Variants in USP54 observed in about 807,000 individuals in gnomAD.
USP54 encodes ubiquitin specific peptidase 54.
In USP54, 87 loss-of-function variants were observed where a neutral mutation model predicts 170.5. The ratio of observed to expected loss-of-function variants is 0.51; its 90% CI spans 0.43 to 0.61. The LOEUF is 0.61. Among genes scored for constraint, USP54 ranks in the 20% least tolerant of loss-of-function variants. The pLI is 0.00. For missense variants in USP54, 1,786 were observed against 2,047.8 expected, an observed-to-expected ratio of 0.87 and a Z score of 2.47; for synonymous variants, 655 against 742.8, an observed-to-expected ratio of 0.88 and a Z score of 1.92.
At chr10:73,564,810 G>A (rs987014813) in intron 4 of USP54, among the ~76,000 whole-genome samples, 1 of 150,622 alleles carries the variant, frequency 6.6e-6, no homozygotes, top group African/African-American at 2.5e-5. Flanking sequence ...AGTGGCTCAT[G>A]CCAGCACCTT....
At chr10:73,553,494 G>A (rs975120744) in intron 4 of USP54, among the ~76,000 whole-genome samples, 2 of 152,040 alleles carry the variant, frequency 1.3e-5, no homozygotes, top group Non-Finnish European at 2.9e-5. Context: ...ACTGGAATGG[G>A]CCTCCTCCCA....
chr10:73,604,474 T>C (rs528925024), intron 1 of USP54, among the ~76,000 whole-genome samples: 8 of 151,164 alleles, frequency 5.3e-5, no homozygotes, highest in African/African-American at 1.9e-4. Flanking sequence ...AGAGATAACT[T>C]GCCAGGCACA....
intron 22 of USP54, 34 bp downstream of exon 22, chr10:73,504,816 G>A (rs2058811142): frequency 6.2e-7 from 1 of 1,613,868 alleles, no homozygotes; most frequent in African/African-American, 1.3e-5. Context: ...AAGGAGGAGG[G>A]TGCTCTGAAT....
At chr10:73,625,099 A>G (rs536588074) in intron 1 of USP54, among the ~76,000 whole-genome samples, 7 of 152,302 alleles carry the variant, frequency 4.6e-5, no homozygotes, top group African/African-American at 1.4e-4. Flanking sequence ...AAGAAATTGT[A>G]CACTTGAATG....
At chr10:73,562,220 ATATTT>A (rs1238823031) in intron 4 of USP54, among the ~76,000 whole-genome samples, 2 of 152,210 alleles carry the variant, frequency 1.3e-5, no homozygotes, top group African/African-American at 4.8e-5. Context: ...GTGCTTTTCT[ATATTT>A]TATAATTAAA....
chr10:73,507,388 G>A (rs538396168), intron 20 of USP54: 1 of 152,192 alleles, frequency 6.6e-6, no homozygotes, highest in African/African-American at 2.4e-5. Context: ...AAGGATTACA[G>A]CTAAGGCTGG....
intron 4 of USP54, among the ~76,000 whole-genome samples, chr10:73,548,051 C>T (rs866475024): frequency 6.6e-6 from 1 of 151,998 alleles, no homozygotes; most frequent in East Asian, 1.9e-4. Flanking sequence ...AAAAATAACC[C>T]CATCAAAAGG....
intron 15 of USP54, among the ~76,000 whole-genome samples, chr10:73,527,734 T>C (rs1425628483): frequency 6.7e-6 from 1 of 148,690 alleles, no homozygotes; most frequent in Non-Finnish European, 1.5e-5. Flanking sequence ...GTGTGGTGAC[T>C]CACACCTATA....
chr10:73,589,909 A>G (rs1564933486), intron 1 of USP54, among the ~76,000 whole-genome samples: 2 of 152,202 alleles, frequency 1.3e-5, no homozygotes, highest in Non-Finnish European at 2.9e-5. Flanking sequence ...CAATACTCAA[A>G]TGAAAACATG....
At chr10:73,575,753 TC>T in intron 2 of USP54, 44 bp downstream of exon 2, 1 of 1,402,094 alleles carries the variant, frequency 7.1e-7, no homozygotes, top group Non-Finnish European at 9.5e-7. Flanking sequence ...GGAAAGGGAA[TC>T]CAGAATTTAG....
Position 73,517,468 on chromosome 10 carries a change from A to G in USP54, c.2958T>C (p.His986=). The part of the protein sequence containing the change: ...KAPGWTEKNS[H]HSWEPLDAPE... ...GGGCATCCAATGGCTCCCAACTATGATGAGAATTCTTCTCAGTCCACCCTG... is the reference window on the plus strand; with the variant it reads ...GGGCATCCAATGGCTCCCAACTATGGTGAGAATTCTTCTCAGTCCACCCTG... The change falls in exon 20 of 24, where the codon CAT becomes CAC. Residue 986 remains histidine (H), a synonymous_variant. Transcript: ENST00000687698. 1 of 1,614,168 alleles carries G rather than the reference A, an allele frequency of 6.2e-7. No homozygotes were observed. The highest frequency in any genetic ancestry group is 8.5e-7 in the Non-Finnish European group (1 of 1,180,020).
At chr10:73,595,533 A>G (rs1213082617), upstream of USP54, among the ~76,000 whole-genome samples, 1 of 152,200 alleles carries the variant, frequency 6.6e-6, no homozygotes, top group Non-Finnish European at 1.5e-5. Flanking sequence ...AAATCTCTAT[A>G]TTTCTCATAT....
chr10:73,568,064 C>T (rs376714437), intron 4 of USP54, among the ~76,000 whole-genome samples: 6 of 152,140 alleles, frequency 3.9e-5, no homozygotes, highest in African/African-American at 9.6e-5. Flanking sequence ...CAGGTATGTG[C>T]GACCATGTCC....
chr10:73,611,057 A>G (rs953528962), intron 1 of USP54, among the ~76,000 whole-genome samples: 3 of 152,240 alleles, frequency 2.0e-5, no homozygotes, highest in African/African-American at 7.2e-5. Context: ...CTAGAAAAGC[A>G]ACAGTGAGTT....
chr10:73,585,070 A>G (rs1589306671), intron 1 of USP54, among the ~76,000 whole-genome samples: 1 of 152,210 alleles, frequency 6.6e-6, no homozygotes, highest in Non-Finnish European at 1.5e-5. Context: ...TTTTGGCTGG[A>G]AAAGAACAAT....
intron 17 of USP54, among the ~76,000 whole-genome samples, chr10:73,521,747 C>G (rs958164825): frequency 6.6e-6 from 1 of 152,166 alleles, no homozygotes; most frequent in East Asian, 1.9e-4. Context: ...CCAAAACTAC[C>G]CCCAAAGAAG....
At chr10:73,500,121 T>C (rs1029080714) in intron 23 of USP54, among the ~76,000 whole-genome samples, 3 of 152,016 alleles carry the variant, frequency 2.0e-5, no homozygotes, top group Non-Finnish European at 4.4e-5. Flanking sequence ...AAAGAGAACA[T>C]CTCACTCGGA....
chr10:73,512,150 T>C (rs1232880614), intron 20 of USP54, among the ~76,000 whole-genome samples: 1 of 151,982 alleles, frequency 6.6e-6, no homozygotes, highest in African/African-American at 2.4e-5. Flanking sequence ...ATCACTCCTC[T>C]TTTTTTTGAG....
chr10:73,575,202 G>A (rs1414614775), intron 3 of USP54, among the ~76,000 whole-genome samples: 1 of 152,184 alleles, frequency 6.6e-6, no homozygotes, highest in Admixed American at 6.5e-5. Flanking sequence ...TCCAGCCTGG[G>A]CGACAGAGCA....
Sources: gnomAD v4.1 joint callset for allele counts (sites outside exome capture counted in the v4.1 genomes callset) on GRCh38, gnomAD v4.1.1 for gene constraint, MANE v1.5 for transcripts, NCBI Gene and HGNC (gene_info 2026-07-23, HGNC 2026-07-21) for gene names.